GUCA1C: variants seen among roughly 807,000 people sequenced by gnomAD.
GUCA1C encodes the protein guanylyl cyclase-activating protein 3.
In GUCA1C, 15 loss-of-function variants were observed where a neutral mutation model predicts 16.2. The observed-to-expected ratio is 0.93, with a 90% CI of 0.62 to 1.43. The LOEUF (loss-of-function observed/expected upper bound fraction) is 1.43, where lower values mean the gene tolerates loss of function less well. Ranked by LOEUF, GUCA1C falls within the 40% of genes most tolerant of loss-of-function variation. The probability of loss-of-function intolerance (pLI) is 0.00; values close to 1 mark genes in which losing one functional copy is unlikely to be tolerated. For missense variants in GUCA1C, 275 were observed against 244.8 expected, an observed-to-expected ratio of 1.12 and a Z score of -0.82; for synonymous variants, 78 against 85.4, an observed-to-expected ratio of 0.91 and a Z score of 0.48.
intron 1 of GUCA1C, among the ~76,000 whole-genome samples, chr3:108,938,820 T>G (rs1426215406): frequency 6.6e-6 from 1 of 152,256 alleles, no homozygotes; most frequent in African/African-American, 2.4e-5. Context: ...CAAGGGGTTC[T>G]GAGACAAATG....
chr3:108,948,771 C>G (rs1946868612), intron 1 of GUCA1C, among the ~76,000 whole-genome samples: 1 of 151,842 alleles, frequency 6.6e-6, no homozygotes, highest in Non-Finnish European at 1.5e-5. Flanking sequence ...TAAAATTTCT[C>G]AGAATATGCT....
chr3:108,932,326 AAAAAAAAAAAAAAC>A (rs1347285033), intron 1 of GUCA1C, among the ~76,000 whole-genome samples: 4 of 114,492 alleles, frequency 3.5e-5, no homozygotes, highest in Admixed American at 8.5e-5. Flanking sequence ...CTCCCACCAA[AAAAAAAAAAAAAAC>A]AAAAAAAAAA....
chr3:108,935,399 A>C (rs1044561516), intron 1 of GUCA1C, among the ~76,000 whole-genome samples: 6 of 152,104 alleles, frequency 3.9e-5, no homozygotes, highest in African/African-American at 1.4e-4. Context: ...ATCTATAAAG[A>C]AAGCATAAAG....
chr3:108,933,506 G>T (rs1012358510), intron 1 of GUCA1C, among the ~76,000 whole-genome samples: 20 of 152,110 alleles, frequency 1.3e-4, no homozygotes, highest in African/African-American at 4.8e-4. Context: ...GTTTCATAAG[G>T]GGGAGAGGAA....
At chr3:108,909,821 ATC>A (rs1283154654) in intron 3 of GUCA1C, among the ~76,000 whole-genome samples, 2 of 152,152 alleles carry the variant, frequency 1.3e-5, no homozygotes, top group Admixed American at 1.3e-4. Flanking sequence ...ATAAAAAAAA[ATC>A]TCTGTTCCAA....
At chr3:108,930,452 T>A (rs1336676218) in intron 1 of GUCA1C, among the ~76,000 whole-genome samples, 1 of 152,192 alleles carries the variant, frequency 6.6e-6, no homozygotes, top group Non-Finnish European at 1.5e-5. Flanking sequence ...TTTTTAAAAG[T>A]TTTTAAAAAT....
At chr3:108,934,856 C>T (rs190178996) in intron 1 of GUCA1C, among the ~76,000 whole-genome samples, 2 of 145,176 alleles carry the variant, frequency 1.4e-5, no homozygotes, top group African/African-American at 5.2e-5. Flanking sequence ...CTCTTTCACC[C>T]AGGCCTGAGT....
At chr3:108,922,154 TACACAAACACACAC>T (rs1452973730) in intron 1 of GUCA1C, among the ~76,000 whole-genome samples, 1 of 91,128 alleles carries the variant, frequency 1.1e-5, no homozygotes, top group South Asian at 4.3e-4. Context: ...CACACACACA[TACACAAACACACAC>T]ACACACACAC....
chr3:108,954,766 T>C (rs1413090206), upstream of GUCA1C, among the ~76,000 whole-genome samples: 1 of 145,494 alleles, frequency 6.9e-6, no homozygotes, highest in African/African-American at 2.6e-5. Flanking sequence ...AGATGGAGTC[T>C]CGCTCTGTCC....
chr3:108,920,325 G>A (rs1576546429), intron 2 of GUCA1C, 111 bp downstream of exon 2: 3 of 760,300 alleles, frequency 3.9e-6, no homozygotes. Flanking sequence ...AATTCAAAAT[G>A]TATATCGCCA....
chr3:108,940,398 G>C (rs532604468), intron 1 of GUCA1C, among the ~76,000 whole-genome samples: 1 of 152,140 alleles, frequency 6.6e-6, no homozygotes, highest in African/African-American at 2.4e-5. Context: ...AATTTTTAAG[G>C]GCTCCTATAC....
intron 1 of GUCA1C, among the ~76,000 whole-genome samples, chr3:108,931,643 T>C (rs150349258): frequency 2.6e-3 from 401 of 152,280 alleles, no homozygotes; most frequent in African/African-American, 9.1e-3. Context: ...ATGGCTTGTG[T>C]TAGTGTTGGA....
rs1458929391 is a variant in GUCA1C, at chr3:108,920,581, C to T, written c.209G>A (p.Gly70Glu). The change falls in exon 2 of 4, where the codon GGA (glycine) becomes GAA (glutamate). Residue 70 changes from glycine to glutamate, a missense_variant. By Grantham distance (98) the Gly-to-Glu change is moderately conservative (BLOSUM62 -2). Transcript: ENST00000261047. Reference protein sequence around the residue: ...VYNTFDTNKDGFVDFLEFIAA... With the variant: ...VYNTFDTNKDEFVDFLEFIAA... ...AATAAACTCCAAAAAGTCAACAAATCCATCCTATGGAAAGTAAGATGAAAA... is the reference window on the plus strand; with the variant it reads ...AATAAACTCCAAAAAGTCAACAAATTCATCCTATGGAAAGTAAGATGAAAA... 1 of 1,460,038 alleles carries T rather than the reference C, an allele frequency of 6.8e-7. No individual in the cohort carries two copies. 90.4% of individuals were successfully genotyped at this position (1,460,038 alleles called of 1,614,324 possible).
chr3:108,940,722 A>G (rs1559847357), intron 1 of GUCA1C, among the ~76,000 whole-genome samples: 2 of 152,374 alleles, frequency 1.3e-5, no homozygotes, highest in East Asian at 1.9e-4. Context: ...CTGCACTGTT[A>G]TCAAACCTGT....
chr3:108,944,649 T>C (rs770133360), intron 1 of GUCA1C, among the ~76,000 whole-genome samples: 10 of 152,186 alleles, frequency 6.6e-5, no homozygotes, highest in Non-Finnish European at 1.5e-4. Context: ...ACCCCGTGTC[T>C]CATTTGCTGG....
At chr3:108,910,398 T>G (rs1453640673) in intron 3 of GUCA1C, among the ~76,000 whole-genome samples, 3 of 151,138 alleles carry the variant, frequency 2.0e-5, no homozygotes, top group African/African-American at 7.3e-5. Context: ...CTTGGGAGGC[T>G]GAGGCAGGAG....
In GUCA1C at chr3:108,952,633, C is replaced by G. The variant is rs565499583; in HGVS notation, c.204+926G>C. On this transcript the variant is annotated intron_variant, in intron 1 of 3. Transcript: ENST00000261047. ...AAATTCTACACATCCTATCAAACAA[C>G]CAGTTTTTTTTTTAATTTTACTCAA... Among the ~76,000 whole-genome samples, 10 of 151,836 alleles carry G rather than the reference C, an allele frequency of 6.6e-5. No individual in the cohort carries two copies. In the East Asian group the frequency reaches 1.2e-3, roughly 18 times the overall value.
intron 1 of GUCA1C, among the ~76,000 whole-genome samples, chr3:108,935,060 G>A (rs1340742010): frequency 1.3e-5 from 2 of 151,720 alleles, no homozygotes; most frequent in Admixed American, 6.6e-5. Context: ...TGATCCGCCC[G>A]CCTCGGCCTC....
intron 2 of GUCA1C, among the ~76,000 whole-genome samples, 181 bp downstream of exon 2, chr3:108,920,254 GC>G (rs1946556376): frequency 6.6e-6 from 1 of 152,136 alleles, no homozygotes; most frequent in South Asian, 2.1e-4. Flanking sequence ...AGAAGAAAAA[GC>G]TGATTTGCTG....
Sources: gnomAD v4.1 joint callset for allele counts (sites outside exome capture counted in the v4.1 genomes callset) on GRCh38, gnomAD v4.1.1 for gene constraint, MANE v1.5 for transcripts, NCBI Gene and HGNC (gene_info 2026-07-23, HGNC 2026-07-21) for gene names.